Variants in MAN1A1 observed in about 807,000 individuals in gnomAD.
MAN1A1 encodes the protein mannosidase alpha class 1A member 1, also known as mannosyl-oligosaccharide 1,2-alpha-mannosidase IA.
A neutral mutation model predicts 70.8 loss-of-function variants in MAN1A1; 29 were observed. That is an observed-to-expected ratio of 0.41 (90% CI 0.31 to 0.56). The LOEUF (loss-of-function observed/expected upper bound fraction) is 0.56, where lower values mean the gene tolerates loss of function less well. Ranked by LOEUF, MAN1A1 falls within the 20% of genes least tolerant of loss-of-function variation. The pLI is 0.29. For synonymous variants in MAN1A1, 349 were observed against 330.1 expected, an observed-to-expected ratio of 1.06 and a Z score of -0.62; for missense variants, 747 against 841.3, an observed-to-expected ratio of 0.89 and a Z score of 1.39.
chr6:119,204,870 C>T lies in MAN1A1; in HGVS notation c.1005G>A (p.Arg335=). Residue 335 remains arginine, a synonymous_variant, in exon 7 of 13, where the codon AGG becomes AGA. Transcript: ENST00000368468. ...TGCCTCCAGAGGCCCAGGGCCAGTTCCTTCCAATACCACTAAAGAAGAGAT... is the reference window on the plus strand; with the variant it reads ...TGCCTCCAGAGGCCCAGGGCCAGTTTCTTCCAATACCACTAAAGAAGAGAT... ...ALLNMKSGIG[R]NWPWASGGSS... 6.2e-7 allele frequency: 1 copy of T among 1,613,796 alleles called. No individual in the cohort carries two copies. The highest frequency in any genetic ancestry group is 8.5e-7 in the Non-Finnish European group (1 of 1,179,854).
At chr6:119,319,390 A>AATAATCATC (rs1554215455) in intron 2 of MAN1A1, among the ~76,000 whole-genome samples, 21 of 143,720 alleles carry the variant, frequency 1.5e-4, no homozygotes, top group African/African-American at 5.4e-4. Flanking sequence ...TAATAATAAT[A>AATAATCATC]ATCATCATCA....
intron 2 of MAN1A1, among the ~76,000 whole-genome samples, chr6:119,334,376 T>C (rs1316361543): frequency 1.3e-5 from 2 of 152,258 alleles, no homozygotes; most frequent in Non-Finnish European, 2.9e-5. Flanking sequence ...TGAAATACTT[T>C]AAAAGTTAAA....
intron 5 of MAN1A1, among the ~76,000 whole-genome samples, chr6:119,263,480 C>T (rs1013838071): frequency 6.6e-6 from 1 of 152,016 alleles, no homozygotes; most frequent in African/African-American, 2.4e-5. Context: ...AGAAAGGAAC[C>T]ACAGACACCG....
chr6:119,257,732 A>T (rs1008224744), intron 5 of MAN1A1, among the ~76,000 whole-genome samples: 2 of 152,236 alleles, frequency 1.3e-5, no homozygotes, highest in African/African-American at 4.8e-5. Flanking sequence ...CCCAATGGCT[A>T]TACAGCTCTA....
intron 6 of MAN1A1, among the ~76,000 whole-genome samples, chr6:119,229,887 T>C (rs1246404358): frequency 6.6e-6 from 1 of 152,226 alleles, no homozygotes; most frequent in East Asian, 1.9e-4. Flanking sequence ...TTCTTCAAAT[T>C]AAAGGAAGAT....
At chr6:119,222,730 G>C (rs1253407825) in intron 6 of MAN1A1, among the ~76,000 whole-genome samples, 1 of 152,164 alleles carries the variant, frequency 6.6e-6, no homozygotes, top group Admixed American at 6.5e-5. Flanking sequence ...TCTACAGTTT[G>C]AAAAATGCAC....
chr6:119,347,178 C>T (rs1773751784), intron 2 of MAN1A1, among the ~76,000 whole-genome samples: 1 of 152,170 alleles, frequency 6.6e-6, no homozygotes. Flanking sequence ...CTTTAACTTG[C>T]TCAATTACAG....
chr6:119,257,744 T>G (rs1019663577), intron 5 of MAN1A1, among the ~76,000 whole-genome samples: 1 of 151,996 alleles, frequency 6.6e-6, no homozygotes, highest in African/African-American at 2.4e-5. Context: ...ACAGCTCTAG[T>G]GCTTCAAACT....
intron 10 of MAN1A1, among the ~76,000 whole-genome samples, 180 bp from the exon 11 acceptor site, chr6:119,188,757 A>G (rs1275621012): frequency 6.6e-6 from 1 of 152,256 alleles, no homozygotes; most frequent in Non-Finnish European, 1.5e-5. Context: ...ATGGCAAAGT[A>G]TTCGCATACA....
At chr6:119,282,859 T>C (rs1039083853) in intron 5 of MAN1A1, among the ~76,000 whole-genome samples, 6 of 152,220 alleles carry the variant, frequency 3.9e-5, no homozygotes, top group Admixed American at 3.9e-4. Flanking sequence ...TAAGTTTTAG[T>C]TAGTTTCCTC....
intron 6 of MAN1A1, among the ~76,000 whole-genome samples, chr6:119,215,978 T>C (rs1774189691): frequency 1.3e-5 from 2 of 152,188 alleles, no homozygotes; most frequent in African/African-American, 4.8e-5. Context: ...CGAATGAACC[T>C]GCCAGTGAAG....
chr6:119,304,213 T>C (rs953711879), intron 3 of MAN1A1, among the ~76,000 whole-genome samples: 33 of 152,212 alleles, frequency 2.2e-4, no homozygotes, highest in Non-Finnish European at 4.4e-4. Flanking sequence ...GTAAATCTTA[T>C]CTAATAATAA....
intron 1 of MAN1A1, 58 bp from the exon 2 acceptor site, chr6:119,349,345 G>C (rs894482647): frequency 4.2e-4 from 469 of 1,113,626 alleles, no homozygotes; most frequent in Admixed American, 2.3e-3. Flanking sequence ...GTTTCCAGCG[G>C]GTCTCCGCCC....
At chr6:119,218,387 C>A (rs1774266104) in intron 6 of MAN1A1, among the ~76,000 whole-genome samples, 1 of 152,020 alleles carries the variant, frequency 6.6e-6, no homozygotes, top group African/African-American at 2.4e-5. Flanking sequence ...GTAGTATATA[C>A]AGTATGTAAA....
In MAN1A1 at chr6:119,348,670, G is replaced by A; in HGVS notation, c.396C>T (p.Leu132=). The A allele has an allele frequency of 6.2e-7, 1 of 1,612,596 alleles. No individual in the cohort carries two copies. Among genetic ancestry groups the A allele is most frequent in the Non-Finnish European group, 8.5e-7 (1 of 1,179,400 alleles). Residue 132 remains leucine, a synonymous_variant, in exon 2 of 13, where the codon CTC becomes CTT. Coordinates refer to ENST00000368468, the MANE Select transcript of MAN1A1 (RefSeq NM_005907.4). ...TCTGCAGGGTCTCCTTGGCTTCCCT[G>A]AGAGCCCGCTCGTGGTTTTCGCGGA... The part of the protein sequence containing the change: ...ARIRENHERA[L]REAKETLQKL...
chr6:119,211,033 T>C, intron 6 of MAN1A1: 1 of 381,322 alleles, frequency 2.6e-6, no homozygotes, highest in South Asian at 2.0e-5. Context: ...CAAGTTGGAA[T>C]AGAAGCATAG....
intron 2 of MAN1A1, among the ~76,000 whole-genome samples, chr6:119,345,222 TA>T (rs1318351560): frequency 2.6e-5 from 4 of 151,502 alleles, no homozygotes; most frequent in Non-Finnish European, 5.9e-5. Context: ...GAAGGGAAGC[TA>T]AAAATGATTT....
chr6:119,260,976 G>GCTTTTTTTTTTTTTTTTTTTTTTTTTT lies in MAN1A1; in HGVS notation c.898-12623_898-12622insAAAAAAAAAAAAAAAAAAAAAAAAAAG, dbSNP rs1554209499. Reference sequence around the variant, plus strand: ...TATCTAAATGTCTTGTTTTTTTATTGTTTTTTTTTTTTTTTTTTTTGAGAT... The same window carrying GCTTTTTTTTTTTTTTTTTTTTTTTTTT: ...TATCTAAATGTCTTGTTTTTTTATTGCTTTTTTTTTTTTTTTTTTTTTTTTTTTTTTTTTTTTTTTTTTTTTTGAGAT... On this transcript the variant is annotated intron_variant, in intron 5 of 12. Transcript: ENST00000368468. Among the ~76,000 whole-genome samples the GCTTTTTTTTTTTTTTTTTTTTTTTTTT allele has an allele frequency of 2.6e-5, 3 of 116,942 alleles. 1 individual carries two copies. The highest frequency in any genetic ancestry group is 1.7e-5 in the Non-Finnish European group (1 of 59,050). The allele number at this position is 116,942 out of a possible 152,430, so 76.7% of individuals were successfully genotyped here.
chr6:119,286,842 T>C (rs1168966294), intron 5 of MAN1A1, among the ~76,000 whole-genome samples: 1 of 152,090 alleles, frequency 6.6e-6, no homozygotes, highest in Non-Finnish European at 1.5e-5. Context: ...TTTTCAGGTA[T>C]CTTATTCAAC....
Sources: allele counts gnomAD v4.1 joint callset (sites outside exome capture counted in the v4.1 genomes callset), GRCh38; gene constraint gnomAD v4.1.1; transcripts MANE v1.5; gene names NCBI Gene and HGNC (gene_info 2026-07-23, HGNC 2026-07-21).